SMURF2: variants seen among roughly 807,000 people sequenced by gnomAD.
The protein encoded by SMURF2 is SMAD specific E3 ubiquitin protein ligase 2.
SMURF2 carries 48 observed loss-of-function variants against 109.6 expected under a neutral mutation model. That is an observed-to-expected ratio of 0.44 (90% CI 0.35 to 0.56). The LOEUF is 0.56. Among genes scored for constraint, SMURF2 ranks in the 20% least tolerant of loss-of-function variants. SMURF2 has a pLI of 0.01. For synonymous variants in SMURF2, 288 were observed against 317.1 expected (o/e 0.91, Z 0.97); for missense variants, 575 against 909.0 (o/e 0.63, Z 4.72).
intron 1 of SMURF2, among the ~76,000 whole-genome samples, chr17:64,655,843 C>G (rs1380333601): frequency 6.6e-6 from 1 of 152,070 alleles, no homozygotes; most frequent in African/African-American, 2.4e-5. Flanking sequence ...TCCAGTGAGC[C>G]AAGATCACGC....
rs1164717270 is a variant in SMURF2 at position 64,566,561 on chromosome 17, GTTTTTTT to G, written c.1017-3602_1017-3596del. On this transcript the variant is annotated intron_variant, in intron 10 of 18. Coordinates refer to ENST00000262435, the MANE Select transcript of SMURF2 (RefSeq NM_022739.4). Reference sequence around the variant, plus strand: ...GATGTAGAAATGCTTAAGCTTTCTGGTTTTTTTTTTTTTTTTTTTTTTTTTTTTTTGA... The same window carrying G: ...GATGTAGAAATGCTTAAGCTTTCTGGTTTTTTTTTTTTTTTTTTTTTTTGA... Among the ~76,000 whole-genome samples the G allele has an allele frequency of 6.9e-3, 302 of 43,786 alleles. 1 individual carries two copies. The highest frequency in any genetic ancestry group is 0.02 in the South Asian group (12 of 594). The allele number at this position is 43,786 out of a possible 152,430, so 28.7% of individuals were successfully genotyped here.
chr17:64,547,888 T>C lies in SMURF2; in HGVS notation c.1870-87A>G. 1 of 1,113,630 alleles carries C rather than the reference T, an allele frequency of 9.0e-7. No individual in the cohort carries two copies. The highest frequency in any genetic ancestry group is 2.4e-5 in the East Asian group (1 of 42,208). The allele number at this position is 1,113,630 out of a possible 1,614,324, so 69.0% of individuals were successfully genotyped here. On this transcript the variant is annotated intron_variant, in intron 16 of 18. Transcript: ENST00000262435. This position sits in a 1 kb window ranked among gnomAD's most constrained non-coding sequence, Gnocchi z 4.2. ...AAAGAGAACTTTAGGTTTGTACTGC[T>C]GGCTGTCATTTGGTGGTTCCTAATT...
chr17:64,589,373 T>A (rs77088715), intron 5 of SMURF2, among the ~76,000 whole-genome samples: 4 of 151,804 alleles, frequency 2.6e-5, no homozygotes, highest in Admixed American at 6.6e-5. Flanking sequence ...AAGTGTTGTA[T>A]GACTGAATTT....
At chr17:64,650,347 G>C (rs1434798562) in intron 1 of SMURF2, among the ~76,000 whole-genome samples, 1 of 137,636 alleles carries the variant, frequency 7.3e-6, no homozygotes, top group African/African-American at 2.7e-5. Flanking sequence ...TTTGTTTTTT[G>C]TTTTTTTTTT....
chr17:64,552,313 G>A (rs1412763791), intron 15 of SMURF2, among the ~76,000 whole-genome samples: 1 of 152,168 alleles, frequency 6.6e-6, no homozygotes, highest in African/African-American at 2.4e-5. Flanking sequence ...TCTATTGTGT[G>A]AATGTACGAT....
intron 6 of SMURF2, among the ~76,000 whole-genome samples, chr17:64,584,361 C>CTTTTTTTTTTTTTTTTTTTT (rs372682588): frequency 2.3e-4 from 26 of 112,752 alleles, no homozygotes; most frequent in African/African-American, 8.9e-4. Context: ...CTTTTTTTTT[C>CTTTTTTTTTTTTTTTTTTTT]TTTTTTTTTT....
rs1568168299 is a variant in SMURF2, at chr17:64,545,932, G to A, written c.2163C>T (p.Asp721=). ...PKAHTCFNRI[D]IPPYESYEKL... is the part of the protein sequence containing the mutation. ...TTTCATAGCTTTCATAGGGTGGAAT[G>A]TCTATTCGATTGAAGCTGTGAATAA... is the stretch of plus-strand genomic sequence containing the variant. Residue 721 remains aspartate, a synonymous_variant, in exon 19 of 19, where the codon GAC becomes GAT. Coordinates refer to ENST00000262435, the MANE Select transcript of SMURF2 (RefSeq NM_022739.4). 1.2e-6 allele frequency: 2 copies of A among 1,606,550 alleles called. No homozygotes were observed. The highest frequency in any genetic ancestry group is 2.7e-5 in the African/African-American group (2 of 74,758).
intron 10 of SMURF2, among the ~76,000 whole-genome samples, chr17:64,569,832 C>G (rs1231525374): frequency 6.6e-6 from 1 of 152,208 alleles, no homozygotes; most frequent in Admixed American, 6.5e-5. Context: ...AATTCCACAA[C>G]CAGGCAAGCG....
chr17:64,616,652 C>T (rs1456836679), intron 1 of SMURF2, among the ~76,000 whole-genome samples: 3 of 141,070 alleles, frequency 2.1e-5, no homozygotes, highest in Non-Finnish European at 1.5e-5. Context: ...GAGACTCTGT[C>T]TCAAAAAAAA....
At chr17:64,651,212 T>C (rs1555693466) in intron 1 of SMURF2, among the ~76,000 whole-genome samples, 2 of 146,738 alleles carry the variant, frequency 1.4e-5, no homozygotes, top group Non-Finnish European at 3.0e-5. Context: ...TATATATTTT[T>C]GTGTATATAT....
At chr17:64,642,549 GC>G (rs1970505647) in intron 1 of SMURF2, among the ~76,000 whole-genome samples, 1 of 152,072 alleles carries the variant, frequency 6.6e-6, no homozygotes, top group Non-Finnish European at 1.5e-5. Flanking sequence ...GCCAAACAAA[GC>G]AAAAATTAAG....
chr17:64,573,504 G>C (rs915342371), intron 9 of SMURF2, among the ~76,000 whole-genome samples: 1 of 152,038 alleles, frequency 6.6e-6, no homozygotes, highest in African/African-American at 2.4e-5. Context: ...GGTGTTCCAA[G>C]AGACTCCTGC....
chr17:64,585,331 G>T (rs1555686983), intron 6 of SMURF2, among the ~76,000 whole-genome samples: 1 of 152,096 alleles, frequency 6.6e-6, no homozygotes, highest in Non-Finnish European at 1.5e-5. Flanking sequence ...GTTTTTGAGG[G>T]TAACAATAAT....
chr17:64,593,589 GC>G lies in SMURF2; in HGVS notation c.201-17del, dbSNP rs782726265. 1 of 1,506,612 alleles carries G rather than the reference GC, an allele frequency of 6.6e-7. No homozygotes were observed. Among genetic ancestry groups the G allele is most frequent in the African/African-American group, 1.4e-5 (1 of 72,206 alleles). 93.3% of individuals were successfully genotyped at this position (1,506,612 alleles called of 1,614,324 possible). On this transcript the variant is annotated splice_polypyrimidine_tract_variant and intron_variant, in intron 3 of 18. Transcript: ENST00000262435. ...TCCAATATACCTAAAAAACAAAACG[GC>G]TGCATGAGTAACTTGGTAGTTACAG...
rs1333603963 is a variant in SMURF2, at chr17:64,646,396, T to A, written c.52+15433A>T. Among the ~76,000 whole-genome samples, 6 of 136,702 alleles carry A rather than the reference T, an allele frequency of 4.4e-5. No homozygotes were observed. In the South Asian group the frequency reaches 1.1e-3, roughly 26 times the overall value. The allele number at this position is 136,702 out of a possible 152,430, so 89.7% of individuals were successfully genotyped here. A position where few individuals can be genotyped will look rare whatever the true frequency, so the allele number is the denominator to read the frequency against. ...TTTTTTCTTTCTTTTTTTTTTTTTTTAAATTGAGACAAGGTCTGGCTCTAT... is the reference window on the plus strand; with the variant it reads ...TTTTTTCTTTCTTTTTTTTTTTTTTAAAATTGAGACAAGGTCTGGCTCTAT... On this transcript the variant is annotated intron_variant, in intron 1 of 18. Coordinates refer to ENST00000262435, the MANE Select transcript of SMURF2 (RefSeq NM_022739.4).
chr17:64,552,248 A>T (rs1969055870), intron 15 of SMURF2, among the ~76,000 whole-genome samples: 1 of 152,210 alleles, frequency 6.6e-6, no homozygotes, highest in Non-Finnish European at 1.5e-5. Flanking sequence ...TCTCTAGAGG[A>T]TATAAAAATT....
In SMURF2 at chr17:64,581,000, A is replaced by G. The variant is rs376193853; in HGVS notation, c.570-9T>C. ...AATATTCGGATGCCGGTCTATTGAA[A>G]ATTAACAAGGAAAAGATGTTATCAA... On this transcript the variant is annotated splice_polypyrimidine_tract_variant and intron_variant, in intron 7 of 18. Transcript: ENST00000262435. The G allele has an allele frequency of 2.0e-5, 33 of 1,613,582 alleles. No homozygotes were observed. In the Admixed American group the frequency reaches 5.3e-4, roughly 26 times the overall value.
chr17:64,561,969 C>T (rs1412516911), intron 11 of SMURF2, among the ~76,000 whole-genome samples: 2 of 151,874 alleles, frequency 1.3e-5, no homozygotes, highest in Admixed American at 6.6e-5. Flanking sequence ...CACTGCACTC[C>T]AGCCTGGGTG....
At chr17:64,606,316 G>C (rs1969969880) in intron 2 of SMURF2, among the ~76,000 whole-genome samples, 1 of 152,090 alleles carries the variant, frequency 6.6e-6, no homozygotes, top group African/African-American at 2.4e-5. Flanking sequence ...CTAGTAGTAT[G>C]CACACCTTCA....
Sources: allele counts gnomAD v4.1 joint callset (sites outside exome capture counted in the v4.1 genomes callset), GRCh38; gene constraint gnomAD v4.1.1; non-coding constraint Gnocchi (gnomAD v3.1); transcripts MANE v1.5; gene names NCBI Gene and HGNC (gene_info 2026-07-23, HGNC 2026-07-21).